Variants in SNTG2 observed in about 807,000 individuals in gnomAD.
SNTG2 encodes gamma-2-syntrophin.
In SNTG2, 74 loss-of-function variants were observed where a neutral mutation model predicts 70.9. That is an observed-to-expected ratio of 1.04 (90% confidence interval 0.86 to 1.27). The LOEUF (loss-of-function observed/expected upper bound fraction) is 1.27, where lower values mean the gene tolerates loss of function less well. SNTG2 is among the 50% of genes most tolerant of loss of function. The probability of loss-of-function intolerance (pLI) is 0.00; values close to 1 mark genes in which losing one functional copy is unlikely to be tolerated. For synonymous variants in SNTG2, 278 were observed against 273.8 expected (o/e 1.02, Z -0.15); for missense variants, 717 against 690.7 (o/e 1.04, Z -0.43).
intron 1 of SNTG2, among the ~76,000 whole-genome samples, chr2:1,040,679 G>A (rs73166524): frequency 0.021 from 3,182 of 152,280 alleles, 124 homozygotes; most frequent in African/African-American, 0.072. Flanking sequence ...AACCAATTTA[G>A]ATGTTTTTCC....
intron 6 of SNTG2, among the ~76,000 whole-genome samples, chr2:1,139,003 C>T (rs1668577959): frequency 6.6e-6 from 1 of 152,180 alleles, no homozygotes; most frequent in East Asian, 1.9e-4. Flanking sequence ...TTATCGACCT[C>T]TAATTTGTGC....
chr2:1,110,366 C>T (rs1666361829), intron 4 of SNTG2, among the ~76,000 whole-genome samples: 1 of 152,146 alleles, frequency 6.6e-6, no homozygotes, highest in East Asian at 1.9e-4. Context: ...TGTCTTAGTG[C>T]CATGCACATG....
At chr2:1,342,375 G>C (rs1300028493) in intron 16 of SNTG2, among the ~76,000 whole-genome samples, 3 of 67,210 alleles carry the variant, frequency 4.5e-5, no homozygotes, top group Admixed American at 3.2e-4. Flanking sequence ...CCCTGTTCTG[G>C]GCACGCCTGG....
intron 7 of SNTG2, among the ~76,000 whole-genome samples, chr2:1,168,011 G>A (rs1670853275): frequency 7.7e-6 from 1 of 129,906 alleles, no homozygotes; most frequent in Admixed American, 7.6e-5. Flanking sequence ...CGGCAGAACT[G>A]AAGCCTAGAA....
At chr2:995,029 A>G (rs1195093941) in intron 1 of SNTG2, among the ~76,000 whole-genome samples, 2 of 151,834 alleles carry the variant, frequency 1.3e-5, no homozygotes, top group Admixed American at 6.6e-5. Context: ...TTACTTCTGA[A>G]TGTCCTATCT....
chr2:1,346,959 G>A (rs1486215296), intron 16 of SNTG2, among the ~76,000 whole-genome samples: 1 of 152,112 alleles, frequency 6.6e-6, no homozygotes. Context: ...ACCACGTCAT[G>A]CTGTACCAGA....
chr2:1,310,627 G>A (rs889242367), intron 15 of SNTG2, among the ~76,000 whole-genome samples: 12 of 151,958 alleles, frequency 7.9e-5, no homozygotes, highest in Admixed American at 4.6e-4. Context: ...TCATTTCCCC[G>A]GTGAGTTTCC....
intron 1 of SNTG2, among the ~76,000 whole-genome samples, chr2:957,186 A>G (rs1335574823): frequency 3.3e-5 from 5 of 152,234 alleles, no homozygotes; most frequent in Admixed American, 6.5e-5. Flanking sequence ...CATAGTTAGC[A>G]TAGGTCATAT....
chr2:1,281,357 G>A (rs201657656), intron 14 of SNTG2, among the ~76,000 whole-genome samples: 3 of 64,588 alleles, frequency 4.6e-5, no homozygotes, highest in Admixed American at 1.8e-4. Context: ...GTGTGCTTGT[G>A]TATTTGGTGT....
chr2:1,159,047 T>C lies in SNTG2; in HGVS notation c.412-6501T>C, dbSNP rs1274454503. Among the ~76,000 whole-genome samples, 3 of 151,900 alleles carry C rather than the reference T, an allele frequency of 2.0e-5. No individual in the cohort carries two copies. The South Asian group carries it at 6.2e-4, about 32-fold the overall frequency. On this transcript the variant is annotated intron_variant, in intron 6 of 16. Transcript: ENST00000308624. ...ATATGTGTGCATGTGTGTGCATGTATGTGTCCACGGGTGTACCTGTGTGTG... is the reference window on the plus strand; with the variant it reads ...ATATGTGTGCATGTGTGTGCATGTACGTGTCCACGGGTGTACCTGTGTGTG...
intron 8 of SNTG2, among the ~76,000 whole-genome samples, chr2:1,185,427 C>T (rs1210873315): frequency 6.6e-6 from 1 of 152,230 alleles, no homozygotes; most frequent in Non-Finnish European, 1.5e-5. Flanking sequence ...CACATTTCCC[C>T]TCTGCACTGC....
At position 1,052,673 on chromosome 2, in the gene SNTG2, CA is replaced by C. The variant is rs1254431082; in HGVS notation, c.73-30844del. On this transcript the variant is annotated intron_variant, in intron 1 of 16. Transcript: ENST00000308624. Reference sequence around the variant, plus strand: ...TGAAAGCCACATGGTACCTTAGGATCACTGGCCATGTCGTCCTTTATAGACA... The same window carrying C: ...TGAAAGCCACATGGTACCTTAGGATCCTGGCCATGTCGTCCTTTATAGACA... 2.0e-5 allele frequency among the ~76,000 whole-genome samples: 3 copies of C among 152,256 alleles called. No homozygotes were observed. The South Asian group carries it at 6.2e-4, about 32-fold the overall frequency.
At chr2:1,096,941 C>T (rs1244612995) in intron 2 of SNTG2, among the ~76,000 whole-genome samples, 1 of 152,158 alleles carries the variant, frequency 6.6e-6, no homozygotes, top group East Asian at 1.9e-4. Context: ...GGAATACAGT[C>T]TAACACCAAG....
intron 9 of SNTG2, among the ~76,000 whole-genome samples, chr2:1,229,665 G>T (rs1676056634): frequency 6.6e-6 from 1 of 152,208 alleles, no homozygotes; most frequent in Non-Finnish European, 1.5e-5. Flanking sequence ...GTTCATTGGG[G>T]AGGCTCGGGC....
At chr2:1,188,175 A>C (rs1230572389) in intron 8 of SNTG2, among the ~76,000 whole-genome samples, 1 of 152,252 alleles carries the variant, frequency 6.6e-6, no homozygotes, top group Non-Finnish European at 1.5e-5. Flanking sequence ...TGTAAAGTAC[A>C]TTCTGAAGTG....
rs376485951 is a variant in SNTG2 at position 1,097,006 on chromosome 2, T to C, written c.211-1190T>C. ...AGCCCCCGAAATACGGCTCTTTTTC[T>C]GTGTATAAAATTATTTTTGTCAGTT... On this transcript the variant is annotated intron_variant, in intron 2 of 16. Coordinates refer to ENST00000308624, the MANE Select transcript of SNTG2 (RefSeq NM_018968.4). This position sits in a 1 kb window ranked among gnomAD's most constrained non-coding sequence, Gnocchi z 4.1. Among the ~76,000 whole-genome samples, 43 of 152,356 alleles carry C rather than the reference T, an allele frequency of 2.8e-4. 1 individual carries two copies. Among genetic ancestry groups the C allele is most frequent in the African/African-American group, 1.0e-3 (42 of 41,582 alleles).
intron 1 of SNTG2, among the ~76,000 whole-genome samples, chr2:962,304 T>TTGAAC (rs60995715): frequency 0.67 from 101,920 of 151,714 alleles, 34,927 homozygotes; most frequent in Non-Finnish European, 0.74. Context: ...ACTCCTGGTC[T>TTGAAC]TAAGCGACCC....
chr2:990,856 T>C (rs541319119), intron 1 of SNTG2, among the ~76,000 whole-genome samples: 1 of 151,912 alleles, frequency 6.6e-6, no homozygotes, highest in South Asian at 2.1e-4. Flanking sequence ...GGCACCCTTT[T>C]CTTAGAAAAA....
intron 6 of SNTG2, among the ~76,000 whole-genome samples, chr2:1,143,466 T>C (rs4971387): frequency 0.37 from 56,474 of 151,472 alleles, 11,370 homozygotes; most frequent in East Asian, 0.82. Context: ...GTCAGGAAAA[T>C]GGGAGCAGCT....
Sources: gnomAD v4.1 joint callset for allele counts (sites outside exome capture counted in the v4.1 genomes callset) on GRCh38, gnomAD v4.1.1 for gene constraint, Gnocchi (gnomAD v3.1) non-coding constraint, MANE v1.5 for transcripts, NCBI Gene and HGNC (gene_info 2026-07-23, HGNC 2026-07-21) for gene names.